The following IGF2R variants were observed in gnomAD, a reference collection of about 807,000 sequenced individuals.
IGF2R encodes insulin like growth factor 2 receptor, also known as cation-independent mannose-6-phosphate receptor.
In IGF2R, 91 loss-of-function variants were observed where a neutral mutation model predicts 270.6. The ratio of observed to expected loss-of-function variants is 0.34; its 90% CI spans 0.28 to 0.40. The LOEUF (loss-of-function observed/expected upper bound fraction) is 0.40. Ranked by LOEUF, IGF2R falls within the 10% of genes least tolerant of loss-of-function variation. The pLI is 1.00. For synonymous variants in IGF2R, 1,316 were observed against 1,258.9 expected (o/e 1.05, Z -0.96); for missense variants, 2,805 against 3,188.3 (o/e 0.88, Z 2.90).
intron 2 of IGF2R, among the ~76,000 whole-genome samples, chr6:159,999,474 C>T (rs7755435): frequency 0.37 from 55,528 of 152,006 alleles, 11,021 homozygotes; most frequent in East Asian, 0.69. Flanking sequence ...CAGGGCTGTG[C>T]TTTTGTGTGA....
chr6:160,090,146 C>G, intron 44 of IGF2R, 43 bp downstream of exon 44: 6 of 1,367,142 alleles, frequency 4.4e-6, no homozygotes, highest in Non-Finnish European at 5.8e-6. Context: ...TAACTTCCTC[C>G]AAGGAAGGGG....
chr6:160,069,719 C>T, intron 30 of IGF2R, 149 bp from the exon 31 acceptor site: 1 of 690,178 alleles, frequency 1.4e-6, no homozygotes. Context: ...TGTCATCTGA[C>T]TTATGTGAAA....
chr6:160,030,223 G>A (rs1327589850), intron 7 of IGF2R, among the ~76,000 whole-genome samples: 3 of 152,266 alleles, frequency 2.0e-5, no homozygotes, highest in East Asian at 1.9e-4. Flanking sequence ...AGTGCCCAGC[G>A]CCTGCAAGTG....
At chr6:160,075,662 C>T (rs570382158) in intron 35 of IGF2R, among the ~76,000 whole-genome samples, 185 bp from the exon 36 acceptor site, 17 of 152,296 alleles carry the variant, frequency 1.1e-4, no homozygotes, top group Admixed American at 2.0e-4. Context: ...CACTGACATA[C>T]GGAGGTTACA....
chr6:160,040,264 C>T (rs755130729), intron 10 of IGF2R, among the ~76,000 whole-genome samples: 5 of 152,184 alleles, frequency 3.3e-5, no homozygotes, highest in Non-Finnish European at 5.9e-5. Context: ...ACTGCTCTTG[C>T]GTTCCTCCTG....
In IGF2R at chr6:160,044,626, T is replaced by G; in HGVS notation, c.1734T>G (p.Ile578Met). 6.2e-7 allele frequency: 1 copy of G among 1,609,290 alleles called. No individual in the cohort carries two copies. The highest frequency in any genetic ancestry group is 8.5e-7 in the Non-Finnish European group (1 of 1,178,392). ...DGDDCGHGKK[I>M]KTNITLVCKP... ...ATGATTGTGGTCATGGCAAGAAAAT[T>G]AAAACTAATATCACACTTGTATGCA... The change falls in exon 13 of 48, where the codon ATT becomes ATG. Residue 578 changes from isoleucine (I) to methionine (M), a missense_variant. Transcript: ENST00000356956.
rs555911178 is a variant in IGF2R, at chr6:160,090,168, C to T, written c.6655+65C>T. On this transcript the variant is annotated intron_variant, in intron 44 of 47. Transcript: ENST00000356956. ...CTCCAAGGAAGGGGATTAAAATTTT[C>T]AACTAACTCCCTTCAGTTGAAATCT... 16 of 1,159,166 alleles carry T rather than the reference C, an allele frequency of 1.4e-5. No individual in the cohort carries two copies. The East Asian group carries it at 4.5e-4, about 32-fold the overall frequency. The allele number at this position is 1,159,166 out of a possible 1,614,324, so 71.8% of individuals were successfully genotyped here. A position where few individuals can be genotyped will look rare whatever the true frequency, so the allele number is the denominator to read the frequency against.
rs1778974027 is a variant in IGF2R at position 160,081,178 on chromosome 6, G to T, written c.5833+903G>T. Among the ~76,000 whole-genome samples, 5 of 151,998 alleles carry T rather than the reference G, an allele frequency of 3.3e-5. No individual in the cohort carries two copies. In the South Asian group the frequency reaches 1.0e-3, roughly 32 times the overall value. On this transcript the variant is annotated intron_variant, in intron 39 of 47. Coordinates refer to ENST00000356956, the MANE Select transcript of IGF2R (RefSeq NM_000876.4). ...TTTTCATAAATGTCCAGTATCGGGG[G>T]AACCAGCCCCCGATTTTTCAACGTA... is the stretch of plus-strand genomic sequence containing the variant.
chr6:160,075,015 G>C (rs527934218), intron 35 of IGF2R, among the ~76,000 whole-genome samples: 2 of 152,264 alleles, frequency 1.3e-5, no homozygotes, highest in African/African-American at 4.8e-5. Context: ...GAGAAGGTGT[G>C]GTGCCACGTG....
At chr6:160,011,984 CAAAA>C (rs1784342034) in intron 4 of IGF2R, among the ~76,000 whole-genome samples, 1 of 151,776 alleles carries the variant, frequency 6.6e-6, no homozygotes, top group South Asian at 2.1e-4. Flanking sequence ...TTTAATAAGA[CAAAA>C]AGAAATGTTT....
intron 22 of IGF2R, 121 bp from the exon 23 acceptor site, chr6:160,060,426 C>T (rs1383372453): frequency 2.2e-6 from 2 of 918,076 alleles, no homozygotes; most frequent in African/African-American, 1.6e-5. Context: ...TGTCATTGCT[C>T]CCACGAACGG....
chr6:160,043,545 A>G (rs1562354546), intron 12 of IGF2R, among the ~76,000 whole-genome samples: 2 of 152,260 alleles, frequency 1.3e-5, no homozygotes, highest in Admixed American at 6.5e-5. Context: ...AAAATACTAC[A>G]TCATCTTTTT....
At chr6:160,023,634 C>A (rs1777487066) in intron 4 of IGF2R, among the ~76,000 whole-genome samples, 1 of 152,148 alleles carries the variant, frequency 6.6e-6, no homozygotes, top group Non-Finnish European at 1.5e-5. Flanking sequence ...TAACTTCATT[C>A]ATGGTCATGC....
chr6:160,081,077 G>C (rs181386141), intron 39 of IGF2R, among the ~76,000 whole-genome samples: 3 of 150,412 alleles, frequency 2.0e-5, no homozygotes, highest in Admixed American at 2.0e-4. Flanking sequence ...AGTGAGCCGA[G>C]ATCATGCCAC....
At chr6:159,999,288 G>A (rs1472721810) in intron 2 of IGF2R, among the ~76,000 whole-genome samples, 1 of 152,228 alleles carries the variant, frequency 6.6e-6, no homozygotes, top group African/African-American at 2.4e-5. Flanking sequence ...ACAAGGAACA[G>A]TAGATAAACT....
chr6:160,071,879 C>G, intron 31 of IGF2R, 31 bp from the exon 32 acceptor site: 1 of 1,605,692 alleles, frequency 6.2e-7, no homozygotes, highest in Non-Finnish European at 8.5e-7. Context: ...TTTGCGTGAT[C>G]CCTTCAGGAC....
At position 160,089,899 on chromosome 6, in the gene IGF2R, C is replaced by T; in HGVS notation, c.6468-17C>T. The T allele has an allele frequency of 6.6e-7, 1 of 1,523,676 alleles. No individual in the cohort carries two copies. The highest frequency in any genetic ancestry group is 1.3e-5 in the South Asian group (1 of 79,382). 94.4% of individuals were successfully genotyped at this position (1,523,676 alleles called of 1,614,324 possible). On this transcript the variant is annotated splice_polypyrimidine_tract_variant and intron_variant, in intron 43 of 47. Coordinates refer to ENST00000356956, the MANE Select transcript of IGF2R (RefSeq NM_000876.4). ...TGAAGGACTTCCATGTCACTGTGAT[C>T]TTTTCTGTCTCTTCAGGCTGTTCAG...
At chr6:160,074,810 G>T (rs1778820094) in intron 35 of IGF2R, among the ~76,000 whole-genome samples, 1 of 152,228 alleles carries the variant, frequency 6.6e-6, no homozygotes, top group Non-Finnish European at 1.5e-5. Flanking sequence ...TCAGGAGTGT[G>T]TAAGGAGATC....
chr6:160,104,565 G>C (rs1451041259), intron 47 of IGF2R, 109 bp from the exon 48 acceptor site: 4 of 1,195,502 alleles, frequency 3.3e-6, no homozygotes, highest in East Asian at 4.7e-5. Context: ...CAGTGGGCCA[G>C]TTCTTCCCCA....
Sources: gnomAD v4.1 joint callset for allele counts (sites outside exome capture counted in the v4.1 genomes callset) on GRCh38, gnomAD v4.1.1 for gene constraint, MANE v1.5 for transcripts, NCBI Gene and HGNC (gene_info 2026-07-23, HGNC 2026-07-21) for gene names.